Variants in CDH13 observed in about 807,000 individuals in gnomAD.
The protein encoded by CDH13 is cadherin 13.
A neutral mutation model predicts 63.8 loss-of-function variants in CDH13; 24 were observed. The ratio of observed to expected loss-of-function variants is 0.38; its 90% CI spans 0.27 to 0.53. The LOEUF (loss-of-function observed/expected upper bound fraction) is 0.53. Among genes scored for constraint, CDH13 ranks in the 20% least tolerant of loss-of-function variants. The pLI is 0.85. For synonymous variants in CDH13, 503 were observed against 355.3 expected (o/e 1.42, Z -4.67); for missense variants, 1,049 against 903.1 (o/e 1.16, Z -2.07).
At chr16:83,181,560 G>A (rs1457643331) in intron 4 of CDH13, among the ~76,000 whole-genome samples, 1 of 152,182 alleles carries the variant, frequency 6.6e-6, no homozygotes, top group East Asian at 1.9e-4. Flanking sequence ...AAATGTACAT[G>A]AGCTAGAATC....
intron 6 of CDH13, among the ~76,000 whole-genome samples, chr16:83,437,179 T>C (rs1224187005): frequency 6.6e-6 from 1 of 151,954 alleles, no homozygotes; most frequent in East Asian, 1.9e-4. Context: ...AAGCACAGAG[T>C]CCAGAAGGTG....
chr16:83,008,326 A>C (rs917884154), intron 2 of CDH13, among the ~76,000 whole-genome samples: 1 of 152,228 alleles, frequency 6.6e-6, no homozygotes, highest in African/African-American at 2.4e-5. Flanking sequence ...CTTTGAGTAG[A>C]TGCCAGAAGG....
chr16:82,669,819 C>G (rs1354422635), intron 1 of CDH13, among the ~76,000 whole-genome samples: 1 of 152,204 alleles, frequency 6.6e-6, no homozygotes, highest in Non-Finnish European at 1.5e-5. Context: ...CTTGTGAAGA[C>G]AAATGTCCTG....
At chr16:83,116,828 G>C (rs879565663) in intron 3 of CDH13, among the ~76,000 whole-genome samples, 1 of 152,214 alleles carries the variant, frequency 6.6e-6, no homozygotes, top group Admixed American at 6.5e-5. Context: ...GCTCCAGCCA[G>C]AGAAATTGAC....
chr16:83,676,266 G>A (rs149113155), intron 9 of CDH13, among the ~76,000 whole-genome samples: 1 of 152,314 alleles, frequency 6.6e-6, no homozygotes, highest in East Asian at 1.9e-4. Context: ...CTCCGGCTGT[G>A]GAGAATCAGA....
intron 2 of CDH13, among the ~76,000 whole-genome samples, chr16:82,880,808 G>GAAC (rs2040676905): frequency 6.6e-6 from 1 of 152,134 alleles, no homozygotes; most frequent in South Asian, 2.1e-4. Context: ...CCAAGGCAAA[G>GAAC]AACATCTTTA....
At chr16:82,840,044 T>C (rs925342588) in intron 1 of CDH13, among the ~76,000 whole-genome samples, 8 of 152,210 alleles carry the variant, frequency 5.3e-5, no homozygotes, top group African/African-American at 1.9e-4. Flanking sequence ...TCAAACTATT[T>C]CAGCTCAGAT....
intron 10 of CDH13, among the ~76,000 whole-genome samples, chr16:83,705,774 C>G (rs955070197): frequency 1.3e-5 from 2 of 152,190 alleles, no homozygotes; most frequent in African/African-American, 4.8e-5. Context: ...ACCATTCATT[C>G]TACATCTGAC....
intron 5 of CDH13, among the ~76,000 whole-genome samples, chr16:83,247,085 C>T (rs1293071064): frequency 2.0e-5 from 3 of 152,182 alleles, no homozygotes; most frequent in Non-Finnish European, 4.4e-5. Flanking sequence ...GTACCTACCT[C>T]TAAACAGGAG....
At chr16:82,736,231 T>C (rs1457129834) in intron 1 of CDH13, among the ~76,000 whole-genome samples, 2 of 152,192 alleles carry the variant, frequency 1.3e-5, no homozygotes, top group African/African-American at 2.4e-5. Flanking sequence ...CAGGGTGTAA[T>C]GGGCACCTGG....
At chr16:83,367,020 G>A (rs1011215654) in intron 6 of CDH13, among the ~76,000 whole-genome samples, 21 of 151,946 alleles carry the variant, frequency 1.4e-4, no homozygotes, top group Non-Finnish European at 3.1e-4. Context: ...ATAATTCAAT[G>A]TTTTTTGGTC....
At chr16:83,701,107 G>A (rs1906153421) in intron 10 of CDH13, among the ~76,000 whole-genome samples, 1 of 152,146 alleles carries the variant, frequency 6.6e-6, no homozygotes, top group Non-Finnish European at 1.5e-5. Flanking sequence ...CAGCAGTGAG[G>A]GATCTCGGCT....
intron 2 of CDH13, among the ~76,000 whole-genome samples, chr16:82,933,135 C>A (rs1043191015): frequency 6.6e-6 from 1 of 151,932 alleles, no homozygotes; most frequent in African/African-American, 2.4e-5. Flanking sequence ...TGTATTAGTC[C>A]ATTCTCATGC....
At chr16:82,946,275 G>A (rs770804431) in intron 2 of CDH13, among the ~76,000 whole-genome samples, 5 of 151,996 alleles carry the variant, frequency 3.3e-5, no homozygotes, top group Non-Finnish European at 2.9e-5. Context: ...GGAGGGAAGG[G>A]TGGAAGGATG....
At chr16:83,551,973 C>T (rs926194304) in intron 7 of CDH13, among the ~76,000 whole-genome samples, 11 of 151,950 alleles carry the variant, frequency 7.2e-5, no homozygotes, top group South Asian at 4.2e-4. Flanking sequence ...GGTTGGTTAG[C>T]GGGTTAATAA....
chr16:83,597,139 C>T (rs1197676671), intron 7 of CDH13, among the ~76,000 whole-genome samples: 1 of 152,114 alleles, frequency 6.6e-6, no homozygotes, highest in African/African-American at 2.4e-5. Flanking sequence ...GGGAGGATCT[C>T]TTGAGCCTGG....
At chr16:83,004,423 ACTT>A (rs1183650005) in intron 2 of CDH13, among the ~76,000 whole-genome samples, 8 of 152,164 alleles carry the variant, frequency 5.3e-5, no homozygotes, top group African/African-American at 1.9e-4. Context: ...ATAGAATTAT[ACTT>A]CTTCCTCATA....
At chr16:83,453,239 G>C (rs2072930042) in intron 6 of CDH13, among the ~76,000 whole-genome samples, 1 of 152,258 alleles carries the variant, frequency 6.6e-6, no homozygotes, top group African/African-American at 2.4e-5. Context: ...GTGTATGAGG[G>C]ATAAAAGACT....
intron 1 of CDH13, among the ~76,000 whole-genome samples, chr16:82,832,795 C>T (rs577127196): frequency 4.6e-5 from 7 of 152,258 alleles, no homozygotes; most frequent in Non-Finnish European, 8.8e-5. Flanking sequence ...AAGATAATGA[C>T]CTTCTTGAGC....
Sources: allele counts gnomAD v4.1 joint callset (sites outside exome capture counted in the v4.1 genomes callset), GRCh38; gene constraint gnomAD v4.1.1; transcripts MANE v1.5; gene names NCBI Gene and HGNC (gene_info 2026-07-23, HGNC 2026-07-21).